ELAVL4: variants seen among roughly 807,000 people sequenced by gnomAD.
The protein encoded by ELAVL4 is ELAV like RNA binding protein 4.
Under a neutral mutation model 35.6 loss-of-function variants are expected in ELAVL4, and 1 was observed. That is an observed-to-expected ratio of 0.03 (90% CI 0.01 to 0.13). The LOEUF (loss-of-function observed/expected upper bound fraction) is 0.13, where lower values mean the gene tolerates loss of function less well. ELAVL4 is among the 10% of genes least tolerant of loss of function. ELAVL4 has a pLI of 1.00. For missense variants in ELAVL4, 267 were observed against 464.9 expected (o/e 0.57, Z 3.91); for synonymous variants, 156 against 171.0 (o/e 0.91, Z 0.69).
intron 2 of ELAVL4, among the ~76,000 whole-genome samples, chr1:50,161,796 G>T (rs1348169579): frequency 6.6e-6 from 1 of 152,186 alleles, no homozygotes. Context: ...CAGGATCGTG[G>T]CTCCCTGCAC....
At chr1:50,146,114 C>T (rs1431340876) in intron 2 of ELAVL4, among the ~76,000 whole-genome samples, 4 of 151,492 alleles carry the variant, frequency 2.6e-5, no homozygotes, top group Admixed American at 2.0e-4. Context: ...TTTTGTTTCC[C>T]TTTCCCTAGA....
intron 1 of ELAVL4, among the ~76,000 whole-genome samples, chr1:50,064,301 C>T (rs145821659): frequency 2.0e-4 from 31 of 152,216 alleles, no homozygotes; most frequent in East Asian, 5.8e-4. Flanking sequence ...TTATTCTTAC[C>T]GATTTTTTCC....
At chr1:50,125,689 C>T (rs1412447916) in intron 1 of ELAVL4, among the ~76,000 whole-genome samples, 3 of 152,030 alleles carry the variant, frequency 2.0e-5, no homozygotes, top group African/African-American at 7.2e-5. Context: ...GCCAATCATT[C>T]AACTAAGAAC....
chr1:50,195,917 T>G, intron 5 of ELAVL4, 131 bp downstream of exon 5: 1 of 1,018,128 alleles, frequency 9.8e-7, no homozygotes. Flanking sequence ...TGTGCAAAAC[T>G]CCCCCCGAGC....
intron 1 of ELAVL4, among the ~76,000 whole-genome samples, chr1:50,113,619 T>TC (rs1296167822): frequency 6.6e-6 from 1 of 152,130 alleles, no homozygotes; most frequent in Non-Finnish European, 1.5e-5. Context: ...AGTATTTTTT[T>TC]CCCAATGTCA....
At chr1:50,177,747 T>A (rs1164498764) in intron 3 of ELAVL4, among the ~76,000 whole-genome samples, 1 of 152,086 alleles carries the variant, frequency 6.6e-6, no homozygotes, top group Non-Finnish European at 1.5e-5. Flanking sequence ...AAAGGGAGCA[T>A]CAGTTATAAA....
intron 1 of ELAVL4, among the ~76,000 whole-genome samples, chr1:50,123,907 T>C (rs1669454627): frequency 6.6e-6 from 1 of 152,132 alleles, no homozygotes; most frequent in South Asian, 2.1e-4. Context: ...CATTCCATCA[T>C]TGGTCTTCCA....
In ELAVL4 at chr1:50,079,549, C is replaced by A. The variant is rs547968181; in HGVS notation, c.18+31367C>A. ...TGGACACCTCAAGAAGGGGGCATGA[C>A]CTTGGGAAAGACAATTCTCTCAGTC... On this transcript the variant is annotated intron_variant, in intron 1 of 6. Transcript: ENST00000448907. Among the ~76,000 whole-genome samples, 261 of 152,242 alleles carry A rather than the reference C, an allele frequency of 1.7e-3. 1 individual carries two copies. Among genetic ancestry groups the A allele is most frequent in the Non-Finnish European group, 2.8e-3 (188 of 68,010 alleles).
At chr1:50,194,328 C>CA (rs1557864100) in intron 4 of ELAVL4, among the ~76,000 whole-genome samples, 30 of 152,284 alleles carry the variant, frequency 2.0e-4, no homozygotes, top group Admixed American at 5.9e-4. Context: ...TCCCATTTCA[C>CA]ACTTGAGGAA....
chr1:50,165,092 C>T (rs1677508160), intron 2 of ELAVL4, among the ~76,000 whole-genome samples: 1 of 152,138 alleles, frequency 6.6e-6, no homozygotes, highest in South Asian at 2.1e-4. Flanking sequence ...TTTTTTCATA[C>T]ATGTCTTATT....
intron 2 of ELAVL4, among the ~76,000 whole-genome samples, chr1:50,151,482 C>A (rs184841333): frequency 8.5e-5 from 13 of 152,176 alleles, no homozygotes; most frequent in African/African-American, 2.9e-4. Context: ...CTTTATTGTG[C>A]AGGCACTGTA....
At position 50,169,338 on chromosome 1, in the gene ELAVL4, C is replaced by G. The variant is rs539562962; in HGVS notation, c.251-7751C>G. On this transcript the variant is annotated intron_variant, in intron 2 of 6. Coordinates refer to ENST00000371824, the MANE Select transcript of ELAVL4 (RefSeq NM_001144774.3). ...TTCCCAGACACACCCAGGAGCAATA[C>G]TTTGTATCCTTCAGTCTAATCAAGT... Among the ~76,000 whole-genome samples the G allele has an allele frequency of 5.3e-5, 8 of 152,268 alleles. No individual in the cohort carries two copies. The South Asian group carries it at 1.7e-3, about 32-fold the overall frequency.
upstream of ELAVL4, among the ~76,000 whole-genome samples, chr1:50,099,003 C>T (rs1376344396): frequency 6.6e-6 from 1 of 152,122 alleles, no homozygotes; most frequent in Non-Finnish European, 1.5e-5. Context: ...TGGTGACCAA[C>T]CTCAGGAAAG....
chr1:50,148,021 T>C (rs1034488219), intron 2 of ELAVL4, among the ~76,000 whole-genome samples: 2 of 152,228 alleles, frequency 1.3e-5, no homozygotes, highest in Non-Finnish European at 2.9e-5. Context: ...AATTTGGTCA[T>C]GGAGTTAAGT....
intron 6 of ELAVL4, among the ~76,000 whole-genome samples, chr1:50,198,290 G>A (rs1225055495): frequency 6.6e-6 from 1 of 152,166 alleles, no homozygotes; most frequent in Non-Finnish European, 1.5e-5. Context: ...GTGTCCATGA[G>A]ATTCCCATAT....
intron 1 of ELAVL4, among the ~76,000 whole-genome samples, chr1:50,133,711 T>G (rs1037868151): frequency 6.6e-6 from 1 of 151,918 alleles, no homozygotes; most frequent in Admixed American, 6.6e-5. Flanking sequence ...AACTTTCAAG[T>G]GTGATAAAGT....
intron 2 of ELAVL4, among the ~76,000 whole-genome samples, chr1:50,170,232 T>C (rs1678747352): frequency 6.6e-6 from 1 of 152,336 alleles, no homozygotes; most frequent in East Asian, 1.9e-4. Context: ...CGACTTTACA[T>C]GCATTATCAC....
Position 50,097,724 on chromosome 1 carries a change from G to A in ELAVL4, c.19-47233G>A, listed in dbSNP as rs373751992. 3.0e-4 allele frequency among the ~76,000 whole-genome samples: 46 copies of A among 152,310 alleles called. 1 individual carries two copies. The South Asian group carries it at 8.7e-3, about 29-fold the overall frequency. On this transcript the variant is annotated intron_variant, in intron 1 of 6. Coordinates refer to the ELAVL4 transcript ENST00000448907. ...CACATGCAAATGTGTACAAATTCAT[G>A]TTAGGTAGATGGTTCAGTTTGGCTA...
chr1:50,201,361 G>T lies in ELAVL4; in HGVS notation c.*183G>T. 9 of 503,182 alleles carry T rather than the reference G, an allele frequency of 1.8e-5. No homozygotes were observed. The highest frequency in any genetic ancestry group is 2.7e-5 in the Non-Finnish European group (9 of 337,322). 31.2% of individuals were successfully genotyped at this position (503,182 alleles called of 1,614,324 possible). A position where few individuals can be genotyped will look rare whatever the true frequency, so the allele number is the denominator to read the frequency against. ...ATTGGATTATCCTGAGGTGTACCAG[G>T]AAAGGATTTTATAATGCTTAGAAAA... On this transcript the variant is annotated 3_prime_UTR_variant, in exon 7 of 7. Transcript: ENST00000371824. This position sits in a 1 kb window ranked among gnomAD's most constrained non-coding sequence, Gnocchi z 4.3.
Sources: allele counts gnomAD v4.1 joint callset (sites outside exome capture counted in the v4.1 genomes callset), GRCh38; gene constraint gnomAD v4.1.1; non-coding constraint Gnocchi (gnomAD v3.1); transcripts MANE v1.5; gene names NCBI Gene and HGNC (gene_info 2026-07-23, HGNC 2026-07-21).